The following TAMM41 variants were observed in gnomAD, a reference collection of about 807,000 sequenced individuals.
TAMM41 encodes the protein phosphatidate cytidylyltransferase, mitochondrial.
TAMM41 carries 36 observed loss-of-function variants against 44.1 expected under a neutral mutation model. That is an observed-to-expected ratio of 0.82 (90% CI 0.63 to 1.08). The LOEUF (loss-of-function observed/expected upper bound fraction) is 1.08, where lower values mean the gene tolerates loss of function less well. Ranked by LOEUF, TAMM41 falls within the 50% of genes least tolerant of loss-of-function variation. The pLI, the probability that TAMM41 is intolerant of heterozygous loss-of-function variation, is 0.00. For missense variants in TAMM41, 417 were observed against 404.3 expected (o/e 1.03, Z -0.27); for synonymous variants, 164 against 153.1 (o/e 1.07, Z -0.53).
At position 11,807,855 on chromosome 3, in the gene TAMM41, G is replaced by A; in HGVS notation, c.915C>T (p.Ser305=). 2.6e-6 allele frequency: 4 copies of A among 1,536,150 alleles called. No individual in the cohort carries two copies. The highest frequency in any genetic ancestry group is 2.6e-6 in the Non-Finnish European group (3 of 1,146,922). ...TACCAGCAGTAAAAATGCCTTTCGT[G>A]CTCTGTCTTATACTAGACGGTCTCA... is the stretch of plus-strand genomic sequence containing the variant. The part of the protein sequence containing the change: ...AIVRPSSIRQ[S]TKGIFTAGLK... The change falls in exon 7 of 8, where the codon AGC becomes AGT. Residue 305 remains serine (S), a synonymous_variant. Coordinates refer to ENST00000455809, the MANE Select transcript of TAMM41 (RefSeq NM_001284401.2).
chr3:11,743,261 C>G, the TAMM41 span, among the ~76,000 whole-genome samples: 11 of 151,754 alleles, frequency 7.2e-5, no homozygotes, highest in African/African-American at 2.7e-4. Flanking sequence ...GTGGTTTGGG[C>G]ATTGTTTCTG....
At chr3:11,747,587 C>T in the TAMM41 span, among the ~76,000 whole-genome samples, 7 of 151,370 alleles carry the variant, frequency 4.6e-5, no homozygotes, top group African/African-American at 1.7e-4. Context: ...GGCAATATAG[C>T]GAGACTCCAT....
At chr3:11,750,064 T>A in the TAMM41 span, among the ~76,000 whole-genome samples, 10 of 151,594 alleles carry the variant, frequency 6.6e-5, no homozygotes, top group East Asian at 2.0e-3. Context: ...GCCCGGCTAA[T>A]TTTTTGTATT....
chr3:11,799,176 C>CA (rs1309929168), intron 7 of TAMM41, among the ~76,000 whole-genome samples: 2 of 151,658 alleles, frequency 1.3e-5, no homozygotes, highest in African/African-American at 2.4e-5. Context: ...AACCTGTCTC[C>CA]AAAAAAACAA....
At chr3:11,821,723 G>C (rs984111267) in intron 4 of TAMM41, among the ~76,000 whole-genome samples, 1 of 152,166 alleles carries the variant, frequency 6.6e-6, no homozygotes, top group East Asian at 1.9e-4. Flanking sequence ...AATAATTACC[G>C]GCTAACTTTT....
chr3:11,807,989 T>C, intron 6 of TAMM41, 94 bp from the exon 7 acceptor site: 1 of 1,446,674 alleles, frequency 6.9e-7, no homozygotes, highest in Non-Finnish European at 9.0e-7. Flanking sequence ...ATATTCTTTC[T>C]AGTCAGCCAA....
chr3:11,802,572 C>T lies in TAMM41; in HGVS notation c.937+5261G>A, dbSNP rs113887671. 3.4e-3 allele frequency among the ~76,000 whole-genome samples: 522 copies of T among 152,244 alleles called. 4 individuals carry two copies. The highest frequency in any genetic ancestry group is 0.012 in the African/African-American group (500 of 41,542). On this transcript the variant is annotated intron_variant, in intron 7 of 7. Transcript: ENST00000455809. ...ATCACTAATAAAAATCTCCCAAGAACAAAAAGAAGCCCAGGACCTGATGGA... is the reference window on the plus strand; with the variant it reads ...ATCACTAATAAAAATCTCCCAAGAATAAAAAGAAGCCCAGGACCTGATGGA...
intron 7 of TAMM41, 157 bp downstream of exon 7, chr3:11,807,676 A>G: frequency 6.5e-7 from 1 of 1,536,352 alleles, no homozygotes; most frequent in Non-Finnish European, 8.7e-7. Flanking sequence ...TGCTGCTGTT[A>G]TGCCTGTTTG....
At chr3:11,811,841 A>G (rs2078095750) in intron 5 of TAMM41, among the ~76,000 whole-genome samples, 2 of 152,204 alleles carry the variant, frequency 1.3e-5, no homozygotes, top group Admixed American at 6.5e-5. Flanking sequence ...CTAAAATTAC[A>G]TTGTGGTGAT....
chr3:11,842,318 T>C (rs303858), intron 2 of TAMM41, among the ~76,000 whole-genome samples: 99,557 of 148,320 alleles, frequency 0.67, 35,274 homozygotes, highest in Middle Eastern at 0.88. Context: ...CGCTTGAACC[T>C]GGGAGGCGGA....
chr3:11,785,993 G>T (rs2077414413), downstream of TAMM41, among the ~76,000 whole-genome samples: 1 of 152,136 alleles, frequency 6.6e-6, no homozygotes, highest in African/African-American at 2.4e-5. Context: ...CAGAGGACTT[G>T]TATACAGTAT....
the TAMM41 span, among the ~76,000 whole-genome samples, chr3:11,780,365 T>C: frequency 2.0e-5 from 3 of 152,314 alleles, no homozygotes; most frequent in Non-Finnish European, 4.4e-5. Context: ...ATGTCTGGAA[T>C]ACTCTTCCTT....
rs1387353084 is a variant in TAMM41, at chr3:11,800,765, C to CA, written c.937+7067dup. On this transcript the variant is annotated intron_variant, in intron 7 of 7. Coordinates refer to ENST00000455809, the MANE Select transcript of TAMM41 (RefSeq NM_001284401.2). ...CACAGCACTATACAGACCATCGAGG[C>CA]AAAAAATTAACAAAGAAACACTGGA... Among the ~76,000 whole-genome samples the CA allele has an allele frequency of 2.6e-5, 4 of 152,186 alleles. No homozygotes were observed. The East Asian group carries it at 7.7e-4, about 29-fold the overall frequency.
intron 4 of TAMM41, 77 bp downstream of exon 4, chr3:11,829,637 G>A (rs916753810): frequency 6.6e-5 from 101 of 1,523,994 alleles, no homozygotes; most frequent in South Asian, 7.0e-5. Flanking sequence ...CTCCAGGGCC[G>A]AGTGAGAACA....
At chr3:11,801,528 G>A (rs1043909340) in intron 7 of TAMM41, among the ~76,000 whole-genome samples, 4 of 151,976 alleles carry the variant, frequency 2.6e-5, no homozygotes, top group African/African-American at 4.8e-5. Context: ...GTTTTTCCAC[G>A]TTGCCCAGGC....
intron 4 of TAMM41, among the ~76,000 whole-genome samples, chr3:11,826,226 T>C (rs1461415741): frequency 1.3e-5 from 2 of 152,154 alleles, no homozygotes; most frequent in African/African-American, 4.8e-5. Flanking sequence ...GAACACTGAC[T>C]ATTAATGAGA....
Position 11,843,929 on chromosome 3 carries a change from T to C in TAMM41, c.318+100A>G, listed in dbSNP as rs1441531903. The C allele has an allele frequency of 2.4e-6, 3 of 1,230,956 alleles. No individual in the cohort carries two copies. The African/African-American group carries it at 4.5e-5, about 19-fold the overall frequency. The allele number at this position is 1,230,956 out of a possible 1,614,324, so 76.3% of individuals were successfully genotyped here. A position where few individuals can be genotyped will look rare whatever the true frequency, so the allele number is the denominator to read the frequency against. On this transcript the variant is annotated intron_variant, in intron 2 of 7. Transcript: ENST00000455809. ...ACTATAACAACGTCCAGCAGGAGTG[T>C]GAATGTTTCCTGACCACAAGAACAT...
rs369348633 is a variant in TAMM41 at position 11,846,643 on chromosome 3, G to A, written c.-7C>T. ...GCAGCGTCTGCAGCGCCATGGGGTC[G>A]AGGCTAACAGGGGACACTCAGCGCA... On this transcript the variant is annotated 5_prime_UTR_variant, in exon 1 of 8. Coordinates refer to ENST00000455809, the MANE Select transcript of TAMM41 (RefSeq NM_001284401.2). 2 of 1,614,074 alleles carry A rather than the reference G, an allele frequency of 1.2e-6. No individual in the cohort carries two copies. Among genetic ancestry groups the A allele is most frequent in the East Asian group, 2.2e-5 (1 of 44,892 alleles).
chr3:11,819,751 T>C (rs2078436185), intron 4 of TAMM41, among the ~76,000 whole-genome samples: 1 of 151,680 alleles, frequency 6.6e-6, no homozygotes, highest in Non-Finnish European at 1.5e-5. Context: ...TTTTTAAGCA[T>C]ACCAAAACAA....
Sources: gnomAD v4.1 joint callset for allele counts (sites outside exome capture counted in the v4.1 genomes callset) on GRCh38, gnomAD v4.1.1 for gene constraint, MANE v1.5 for transcripts, NCBI Gene and HGNC (gene_info 2026-07-23, HGNC 2026-07-21) for gene names.